The following ADAMTS12 variants were observed in gnomAD, a reference collection of about 807,000 sequenced individuals.
ADAMTS12 encodes A disintegrin and metalloproteinase with thrombospondin motifs 12.
A neutral mutation model predicts 167.8 loss-of-function variants in ADAMTS12; 118 were observed. The observed-to-expected ratio is 0.70, with a 90% CI of 0.61 to 0.82. The LOEUF (loss-of-function observed/expected upper bound fraction) is 0.82, where lower values mean the gene tolerates loss of function less well. Ranked by LOEUF, ADAMTS12 falls within the 40% of genes least tolerant of loss-of-function variation. ADAMTS12 has a pLI of 0.00. For missense variants in ADAMTS12, 1,916 were observed against 1,998.8 expected, an observed-to-expected ratio of 0.96 and a Z score of 0.79; for synonymous variants, 704 against 716.9, an observed-to-expected ratio of 0.98 and a Z score of 0.29.
intron 19 of ADAMTS12, among the ~76,000 whole-genome samples, chr5:33,566,310 A>G (rs77173812): frequency 1.3e-5 from 2 of 152,100 alleles, no homozygotes; most frequent in African/African-American, 4.8e-5. Flanking sequence ...AAAAAATAAT[A>G]AAAAAATTAT....
chr5:33,608,822 T>C (rs189046240), intron 16 of ADAMTS12, among the ~76,000 whole-genome samples: 19 of 152,282 alleles, frequency 1.2e-4, no homozygotes, highest in Admixed American at 5.9e-4. Flanking sequence ...GCTGTGGTGA[T>C]AAGCCTCGGA....
At chr5:33,627,963 G>A (rs1417198197) in intron 13 of ADAMTS12, among the ~76,000 whole-genome samples, 2 of 152,052 alleles carry the variant, frequency 1.3e-5, no homozygotes, top group South Asian at 4.1e-4. Context: ...CATGCATAAC[G>A]TTGAATTTTT....
intron 3 of ADAMTS12, among the ~76,000 whole-genome samples, chr5:33,731,330 T>C (rs2028840): frequency 0.59 from 89,183 of 151,710 alleles, 27,221 homozygotes; most frequent in Non-Finnish European, 0.66. Flanking sequence ...GGATTACAGG[T>C]GTAAGCCACT....
intron 2 of ADAMTS12, among the ~76,000 whole-genome samples, chr5:33,792,669 T>C (rs1444538139): frequency 1.3e-5 from 2 of 152,204 alleles, no homozygotes; most frequent in Non-Finnish European, 2.9e-5. Context: ...CAGAACAGAC[T>C]GACACTTGGT....
intron 9 of ADAMTS12, among the ~76,000 whole-genome samples, chr5:33,647,915 C>T (rs1213427968): frequency 2.0e-5 from 3 of 152,196 alleles, no homozygotes; most frequent in African/African-American, 7.2e-5. Context: ...TTGAATTTAT[C>T]TCACTGTATT....
intron 9 of ADAMTS12, among the ~76,000 whole-genome samples, chr5:33,644,171 G>C (rs993692620): frequency 6.6e-6 from 1 of 152,036 alleles, no homozygotes; most frequent in Non-Finnish European, 1.5e-5. Flanking sequence ...GATATTTTAA[G>C]CCATTTTAGA....
chr5:33,631,691 G>A (rs1295924969), intron 12 of ADAMTS12, among the ~76,000 whole-genome samples: 3 of 152,166 alleles, frequency 2.0e-5, no homozygotes, highest in Non-Finnish European at 2.9e-5. Context: ...ATCACAGATT[G>A]CCTTAAAAAT....
At chr5:33,598,854 C>T (rs1201835105) in intron 16 of ADAMTS12, among the ~76,000 whole-genome samples, 2 of 152,192 alleles carry the variant, frequency 1.3e-5, no homozygotes, top group Non-Finnish European at 1.5e-5. Context: ...TTCTCCTGGC[C>T]TTGAACTAAA....
chr5:33,885,736 C>A (rs1184852661), intron 1 of ADAMTS12, among the ~76,000 whole-genome samples: 1 of 152,190 alleles, frequency 6.6e-6, no homozygotes, highest in African/African-American at 2.4e-5. Context: ...TTGGAAGAGG[C>A]ATCCCTTGAC....
In ADAMTS12 at chr5:33,604,185, T is replaced by A. The variant is rs12651898; in HGVS notation, c.2528-8125A>T. ...TACAGAAAAATATCAGATTCAACAC[T>A]CGTTTATAATGAAAGATGTCATAAA... On this transcript the variant is annotated intron_variant, in intron 16 of 23. Coordinates refer to ENST00000504830, the MANE Select transcript of ADAMTS12 (RefSeq NM_030955.4). Among the ~76,000 whole-genome samples the A allele has an allele frequency of 5.5e-3, 830 of 152,132 alleles. 8 individuals are homozygous for A. The highest frequency in any genetic ancestry group is 0.019 in the African/African-American group (789 of 41,518).
intron 3 of ADAMTS12, among the ~76,000 whole-genome samples, chr5:33,719,931 G>C (rs2112333046): frequency 6.6e-6 from 1 of 152,214 alleles, no homozygotes; most frequent in Middle Eastern, 3.4e-3. Context: ...GGTTGCTAGG[G>C]GAGGGATTCA....
rs140865678 is a variant in ADAMTS12, at chr5:33,836,609, T to C, written c.489+44510A>G. On this transcript the variant is annotated intron_variant, in intron 2 of 23. Transcript: ENST00000504830. ...ACAAAAAAGCACAAAGTCCATTCTGTAGAAGTGCTGGGTGGGAAGGAAATA... is the reference window on the plus strand; with the variant it reads ...ACAAAAAAGCACAAAGTCCATTCTGCAGAAGTGCTGGGTGGGAAGGAAATA... Among the ~76,000 whole-genome samples, 440 of 151,832 alleles carry C rather than the reference T, an allele frequency of 2.9e-3. 3 individuals are homozygous for C. Among genetic ancestry groups the C allele is most frequent in the African/African-American group, 9.9e-3 (411 of 41,372 alleles).
At chr5:33,849,842 C>T (rs1749154846) in intron 2 of ADAMTS12, among the ~76,000 whole-genome samples, 1 of 149,368 alleles carries the variant, frequency 6.7e-6, no homozygotes, top group South Asian at 2.1e-4. Context: ...ATATGTATTG[C>T]ATAGCAATAT....
intron 2 of ADAMTS12, among the ~76,000 whole-genome samples, chr5:33,814,871 C>A (rs560326913): frequency 6.6e-6 from 1 of 151,822 alleles, no homozygotes; most frequent in East Asian, 1.9e-4. Context: ...GAGGAACTGA[C>A]AAGACACTCC....
chr5:33,553,164 G>C (rs1181781733), intron 20 of ADAMTS12, among the ~76,000 whole-genome samples: 1 of 152,104 alleles, frequency 6.6e-6, no homozygotes, highest in African/African-American at 2.4e-5. Context: ...ACCACAATGA[G>C]ATACCATTTC....
intron 19 of ADAMTS12, 59 bp from the exon 20 acceptor site, chr5:33,561,238 C>T (rs187592376): frequency 1.3e-6 from 2 of 1,582,612 alleles, no homozygotes; most frequent in East Asian, 4.5e-5. Context: ...ACACATGCCC[C>T]ATCACTGGGA....
At chr5:33,550,405 C>T (rs1055661907) in intron 20 of ADAMTS12, among the ~76,000 whole-genome samples, 1 of 152,186 alleles carries the variant, frequency 6.6e-6, no homozygotes, top group Non-Finnish European at 1.5e-5. Context: ...TGTCTCATGG[C>T]CAGACCTGGC....
chr5:33,723,716 C>A (rs1423478), intron 3 of ADAMTS12, among the ~76,000 whole-genome samples: 80,815 of 151,980 alleles, frequency 0.53, 24,977 homozygotes, highest in Non-Finnish European at 0.71. Flanking sequence ...CTTGGTACTC[C>A]CCAAATGTTT....
At chr5:33,542,521 C>T (rs1329193312) in intron 22 of ADAMTS12, among the ~76,000 whole-genome samples, 2 of 152,220 alleles carry the variant, frequency 1.3e-5, no homozygotes, top group Non-Finnish European at 2.9e-5. Context: ...ACCTATTAGA[C>T]ATCTACAGAA....
Sources: allele counts gnomAD v4.1 joint callset (sites outside exome capture counted in the v4.1 genomes callset), GRCh38; gene constraint gnomAD v4.1.1; transcripts MANE v1.5; gene names NCBI Gene and HGNC (gene_info 2026-07-23, HGNC 2026-07-21).